NFYA: variants seen among roughly 807,000 people sequenced by gnomAD.
The protein encoded by NFYA is nuclear transcription factor Y subunit alpha, also known as CAAT-box DNA binding protein subunit A.
A neutral mutation model predicts 52.8 loss-of-function variants in NFYA; 28 were observed. The observed-to-expected ratio is 0.53, with a 90% confidence interval of 0.39 to 0.73. The LOEUF is 0.73. Among genes scored for constraint, NFYA ranks in the 30% least tolerant of loss-of-function variants. NFYA has a pLI of 0.00. For missense variants in NFYA, 234 were observed against 427.0 expected, an observed-to-expected ratio of 0.55 and a Z score of 3.98; for synonymous variants, 150 against 150.7, an observed-to-expected ratio of 1.00 and a Z score of 0.03.
intron 3 of NFYA, among the ~76,000 whole-genome samples, chr6:41,081,429 G>T (rs546307702): frequency 9.5e-4 from 145 of 151,946 alleles, no homozygotes; most frequent in Middle Eastern, 3.4e-3. Context: ...GGCAGAGCTT[G>T]CAGTGAGCAG....
At chr6:41,084,796 C>T (rs755745537) in intron 4 of NFYA, among the ~76,000 whole-genome samples, 52 of 152,166 alleles carry the variant, frequency 3.4e-4, no homozygotes, top group Non-Finnish European at 6.0e-4. Flanking sequence ...AACCCCATCT[C>T]TACTAAAAAT....
At position 41,089,531 on chromosome 6, in the gene NFYA, G is replaced by A. The variant is rs772826119; in HGVS notation, c.310-48G>A. The A allele has an allele frequency of 3.3e-6, 5 of 1,505,296 alleles. No homozygotes were observed. The East Asian group carries it at 1.2e-4, about 37-fold the overall frequency. 93.2% of individuals were successfully genotyped at this position (1,505,296 alleles called of 1,614,324 possible). ...TGGATAACTCTCGGGGACCAAAGGA[G>A]ACCAGTGTCAGTAGAGTACAATCCT... is the stretch of plus-strand genomic sequence containing the variant. On this transcript the variant is annotated intron_variant, in intron 4 of 9. Coordinates refer to ENST00000341376, the MANE Select transcript of NFYA (RefSeq NM_002505.5).
chr6:41,081,087 C>T (rs971835643), intron 3 of NFYA, among the ~76,000 whole-genome samples, 190 bp downstream of exon 3: 2 of 152,176 alleles, frequency 1.3e-5, no homozygotes, highest in African/African-American at 2.4e-5. Context: ...ATAGAGACCC[C>T]GTATCAACTT....
At chr6:41,080,719 G>A (rs191717252) in intron 2 of NFYA, 92 bp from the exon 3 acceptor site, 10 of 1,038,654 alleles carry the variant, frequency 9.6e-6, no homozygotes, top group African/African-American at 7.8e-5. Context: ...TCAGGCTTCC[G>A]TCTCTCTCCT....
chr6:41,093,205 T>A, intron 8 of NFYA, 120 bp downstream of exon 8: 1 of 833,260 alleles, frequency 1.2e-6, no homozygotes. Flanking sequence ...TAGATACTTG[T>A]TGTCTCTTTT....
At chr6:41,084,246 A>G (rs555328826) in intron 4 of NFYA, 54 bp downstream of exon 4, 2 of 1,579,914 alleles carry the variant, frequency 1.3e-6, no homozygotes, top group Non-Finnish European at 1.7e-6. Flanking sequence ...GTTTCAAAGA[A>G]TAGATTATTA....
At position 41,100,829 on chromosome 6, in the gene NFYA, C is replaced by G. The variant is rs991553621; in HGVS notation, c.*3419C>G. 1.3e-5 allele frequency among the ~76,000 whole-genome samples: 2 copies of G among 152,244 alleles called. No individual in the cohort carries two copies. The highest frequency in any genetic ancestry group is 4.8e-5 in the African/African-American group (2 of 41,468). On this transcript the variant is annotated 3_prime_UTR_variant, in exon 10 of 10. Transcript: ENST00000341376. ...AAGCGCAGACCGCCGCACCTCCAGC[C>G]CCTTCTCCCCGGGGAAGTAGGCCCC...
At chr6:41,090,579 T>C (rs1019499660) in intron 6 of NFYA, among the ~76,000 whole-genome samples, 2 of 152,174 alleles carry the variant, frequency 1.3e-5, no homozygotes, top group Admixed American at 6.5e-5. Flanking sequence ...AACAGAAGAA[T>C]AGAAATAGGG....
At position 41,091,692 on chromosome 6, in the gene NFYA, A is replaced by G; in HGVS notation, c.712A>G (p.Met238Val). 6.2e-7 allele frequency: 1 copy of G among 1,608,046 alleles called. No homozygotes were observed. Among genetic ancestry groups the G allele is most frequent in the East Asian group, 2.2e-5 (1 of 44,832 alleles). Residue 238 changes from methionine to valine, a missense_variant and splice_region_variant, in exon 7 of 10, where the codon ATG (methionine) becomes GTG (valine). Met to Val is a conservative substitution (Grantham distance 21). This residue lies in a region of NFYA where 81 missense variants were observed against 210.5 expected (regional missense o/e 0.38). Coordinates refer to ENST00000341376, the MANE Select transcript of NFYA (RefSeq NM_002505.5). Reference protein sequence around the residue: ...GNVVNSGGMVMMVPGAGSVPA... With the variant: ...GNVVNSGGMVVMVPGAGSVPA... The stretch of plus-strand genomic sequence containing the variant: ...TGTGGTCAATTCAGGAGGGATGGTC[A>G]TGGTAAGAAAATGTATTTTTCAGCT...
At chr6:41,086,928 AT>A (rs1205599442) in intron 4 of NFYA, among the ~76,000 whole-genome samples, 1 of 152,180 alleles carries the variant, frequency 6.6e-6, no homozygotes, top group African/African-American at 2.4e-5. Flanking sequence ...AAATATAAGA[AT>A]TTTTATGCTA....
In NFYA at chr6:41,097,748, G is replaced by A. The variant is rs1269900409; in HGVS notation, c.*338G>A. 9.3e-6 allele frequency: 2 copies of A among 215,660 alleles called. No homozygotes were observed. The highest frequency in any genetic ancestry group is 4.6e-5 in the African/African-American group (2 of 43,694). The allele number at this position is 215,660 out of a possible 1,614,324, so 13.4% of individuals were successfully genotyped here. A position where few individuals can be genotyped will look rare whatever the true frequency, so the allele number is the denominator to read the frequency against. ...GAAGTCAGCCAGCCATCTCAGCAGG[G>A]AAGAACAACCTTCTCAACCAAAACT... On this transcript the variant is annotated 3_prime_UTR_variant, in exon 10 of 10. Transcript: ENST00000341376.
intron 2 of NFYA, among the ~76,000 whole-genome samples, chr6:41,079,868 G>A (rs767497): frequency 6.6e-6 from 1 of 152,162 alleles, no homozygotes; most frequent in Non-Finnish European, 1.5e-5. Flanking sequence ...AGCTAATATA[G>A]AAAAGTAGTA....
intron 1 of NFYA, among the ~76,000 whole-genome samples, chr6:41,076,026 C>CT (rs1327374698): frequency 1.8e-4 from 27 of 152,306 alleles, no homozygotes; most frequent in Non-Finnish European, 3.4e-4. Context: ...GTAGTCTAGT[C>CT]TTTCATCAAG....
chr6:41,092,895 G>A lies in NFYA; in HGVS notation c.715-17G>A. 2 of 1,609,388 alleles carry A rather than the reference G, an allele frequency of 1.2e-6. No homozygotes were observed. The highest frequency in any genetic ancestry group is 1.7e-6 in the Non-Finnish European group (2 of 1,177,672). On this transcript the variant is annotated splice_polypyrimidine_tract_variant and intron_variant, in intron 7 of 9. Transcript: ENST00000341376. ...TACTTCATGCCACCAATAAGCTCTG[G>A]TTTCCTGTTCACACAGATGGTTCCT...
chr6:41,073,646 C>CGCCGCG (rs1184225422), intron 1 of NFYA, among the ~76,000 whole-genome samples: 2 of 152,016 alleles, frequency 1.3e-5, no homozygotes, highest in Non-Finnish European at 2.9e-5. Context: ...GGAGGGTGCG[C>CGCCGCG]GCCGCGGCCG....
At chr6:41,088,486 C>T (rs1764109444) in intron 4 of NFYA, among the ~76,000 whole-genome samples, 1 of 151,528 alleles carries the variant, frequency 6.6e-6, no homozygotes, top group Non-Finnish European at 1.5e-5. Context: ...CCTGACACAG[C>T]TGTGTTGGAT....
At chr6:41,085,581 A>G (rs1435798778) in intron 4 of NFYA, among the ~76,000 whole-genome samples, 1 of 152,178 alleles carries the variant, frequency 6.6e-6, no homozygotes, top group Non-Finnish European at 1.5e-5. Context: ...TATTGTTTCA[A>G]CAGTTACAGC....
At chr6:41,097,329 T>G (rs1239331238) in intron 9 of NFYA, 28 bp from the exon 10 acceptor site, 4 of 1,613,042 alleles carry the variant, frequency 2.5e-6, no homozygotes, top group Non-Finnish European at 3.4e-6. Context: ...GCAAAGGACT[T>G]TAATCATCAT....
intron 4 of NFYA, 50 bp from the exon 5 acceptor site, chr6:41,089,529 G>A (rs1270462514): frequency 6.7e-7 from 1 of 1,497,010 alleles, no homozygotes; most frequent in Non-Finnish European, 8.9e-7. Context: ...GGGACCAAAG[G>A]AGACCAGTGT....
Sources: gnomAD v4.1 joint callset for allele counts (sites outside exome capture counted in the v4.1 genomes callset) on GRCh38, gnomAD v4.1.1 for gene constraint, gnomAD v4.1.1 regional missense constraint, MANE v1.5 for transcripts, NCBI Gene and HGNC (gene_info 2026-07-23, HGNC 2026-07-21) for gene names.